NRXN3: variants seen among roughly 807,000 people sequenced by gnomAD.
NRXN3 encodes neurexin III.
Under a neutral mutation model 137.6 loss-of-function variants are expected in NRXN3, and 32 were observed. The observed-to-expected ratio is 0.23, with a 90% CI of 0.18 to 0.31. NRXN3 has a LOEUF of 0.31. Among genes scored for constraint, NRXN3 ranks in the 10% least tolerant of loss-of-function variants. The pLI, the probability that NRXN3 is intolerant of heterozygous loss-of-function variation, is 1.00. For missense variants in NRXN3, 1,574 were observed against 2,062.5 expected (o/e 0.76, Z 4.59); for synonymous variants, 798 against 784.5 (o/e 1.02, Z -0.29).
At chr14:79,066,247 T>C (rs1352956192) in intron 15 of NRXN3, among the ~76,000 whole-genome samples, 1 of 152,204 alleles carries the variant, frequency 6.6e-6, no homozygotes, top group Admixed American at 6.5e-5. Context: ...AATTAGGGAA[T>C]CCTTTCCCCA....
chr14:78,584,238 T>C (rs1477131098), intron 4 of NRXN3, among the ~76,000 whole-genome samples: 5 of 152,174 alleles, frequency 3.3e-5, no homozygotes, highest in East Asian at 3.9e-4. Flanking sequence ...ATTGTTGAGA[T>C]TGAACAAGCA....
intron 10 of NRXN3, among the ~76,000 whole-genome samples, chr14:78,912,627 G>A (rs1392563560): frequency 6.6e-6 from 1 of 152,062 alleles, no homozygotes; most frequent in Non-Finnish European, 1.5e-5. Flanking sequence ...TGTTCAAAAG[G>A]TTAGATAGAA....
chr14:78,971,543 A>C (rs2153013314), intron 14 of NRXN3, among the ~76,000 whole-genome samples: 1 of 152,312 alleles, frequency 6.6e-6, no homozygotes, highest in Non-Finnish European at 1.5e-5. Flanking sequence ...CCTAGGTAGT[A>C]AATGTGTTAC....
chr14:79,090,604 T>A (rs2048975927), intron 15 of NRXN3, among the ~76,000 whole-genome samples: 1 of 152,108 alleles, frequency 6.6e-6, no homozygotes, highest in African/African-American at 2.4e-5. Flanking sequence ...TCACCATGGC[T>A]TCATATCTGG....
At chr14:79,368,455 T>G (rs2093977886) in intron 15 of NRXN3, among the ~76,000 whole-genome samples, 1 of 152,220 alleles carries the variant, frequency 6.6e-6, no homozygotes, top group Admixed American at 6.5e-5. Context: ...AAACTTGTCT[T>G]CCTAATTTTT....
chr14:79,398,769 G>A (rs2095100341), intron 15 of NRXN3, among the ~76,000 whole-genome samples: 1 of 152,058 alleles, frequency 6.6e-6, no homozygotes, highest in African/African-American at 2.4e-5. Flanking sequence ...CAGCACTTTG[G>A]AAGGCCAAGT....
chr14:79,808,166 G>A (rs753306176), intron 20 of NRXN3, among the ~76,000 whole-genome samples: 1 of 150,992 alleles, frequency 6.6e-6, no homozygotes, highest in African/African-American at 2.4e-5. Flanking sequence ...GAACCCGGGA[G>A]GCAGAGGTTG....
rs538965152 is a variant in NRXN3, at chr14:78,333,512, CATAG to C, written c.757+35659_757+35662del. ...TCACAATAAATACACTAGCTAGATA[CATAG>C]ATAGATGCTGGTAGGTGATATGTGC... On this transcript the variant is annotated intron_variant, in intron 4 of 20. Transcript: ENST00000335750. Among the ~76,000 whole-genome samples, 581 of 152,128 alleles carry C rather than the reference CATAG, an allele frequency of 3.8e-3. 3 individuals carry two copies. Among genetic ancestry groups the C allele is most frequent in the African/African-American group, 0.013 (557 of 41,482 alleles).
chr14:79,126,459 A>T (rs1421004243), intron 15 of NRXN3, among the ~76,000 whole-genome samples: 2 of 151,950 alleles, frequency 1.3e-5, no homozygotes, highest in Non-Finnish European at 2.9e-5. Flanking sequence ...TTTACTGAGA[A>T]TGATGATTTC....
At chr14:78,752,582 G>C (rs1408173541) in intron 8 of NRXN3, among the ~76,000 whole-genome samples, 3 of 152,138 alleles carry the variant, frequency 2.0e-5, no homozygotes, top group African/African-American at 7.2e-5. Flanking sequence ...GGCTCTATGG[G>C]GATTCTTAAA....
At chr14:79,629,106 G>A (rs898247841) in intron 16 of NRXN3, among the ~76,000 whole-genome samples, 1 of 152,160 alleles carries the variant, frequency 6.6e-6, no homozygotes, top group Admixed American at 6.5e-5. Flanking sequence ...TAAAGGTGAT[G>A]ATTAATTAGT....
chr14:78,579,690 C>T (rs991057392), intron 4 of NRXN3, among the ~76,000 whole-genome samples: 9 of 152,162 alleles, frequency 5.9e-5, no homozygotes, highest in Non-Finnish European at 1.3e-4. Flanking sequence ...GCTCCATTAT[C>T]TCAACTGGCT....
chr14:79,019,179 G>A (rs894756221), intron 15 of NRXN3, among the ~76,000 whole-genome samples: 3 of 152,164 alleles, frequency 2.0e-5, no homozygotes, highest in Admixed American at 6.6e-5. Context: ...TTGATCTTGA[G>A]TTTCCTCGTG....
intron 16 of NRXN3, among the ~76,000 whole-genome samples, chr14:79,548,820 CAAAG>C (rs1277695425): frequency 8.6e-5 from 13 of 150,980 alleles, no homozygotes; most frequent in African/African-American, 3.2e-4. Flanking sequence ...AGCAAAGAAA[CAAAG>C]AGATGTCTAC....
chr14:78,318,709 T>A (rs1463172634), intron 4 of NRXN3, among the ~76,000 whole-genome samples: 1 of 152,178 alleles, frequency 6.6e-6, no homozygotes, highest in Non-Finnish European at 1.5e-5. Context: ...GCCGTCAGTA[T>A]AACAAGGGGC....
chr14:78,498,287 T>C (rs2153767771), intron 4 of NRXN3, among the ~76,000 whole-genome samples: 1 of 152,258 alleles, frequency 6.6e-6, no homozygotes, highest in South Asian at 2.1e-4. Context: ...AGGGAGATGA[T>C]CCTCCGGCTG....
chr14:79,415,716 C>T (rs960490464), intron 15 of NRXN3, among the ~76,000 whole-genome samples: 1 of 152,124 alleles, frequency 6.6e-6, no homozygotes, highest in Non-Finnish European at 1.5e-5. Flanking sequence ...GTAACAATCG[C>T]CATGTTTAAG....
intron 8 of NRXN3, among the ~76,000 whole-genome samples, chr14:78,794,200 T>C (rs1256337932): frequency 6.6e-6 from 1 of 151,824 alleles, no homozygotes; most frequent in Non-Finnish European, 1.5e-5. Context: ...CTGACCAACA[T>C]GGGAAACCCC....
At chr14:78,488,709 G>A (rs554471857) in intron 4 of NRXN3, among the ~76,000 whole-genome samples, 79 of 150,540 alleles carry the variant, frequency 5.2e-4, no homozygotes, top group African/African-American at 1.8e-3. Flanking sequence ...AAGAAAGAGG[G>A]AGATGGAGAA....
Sources: gnomAD v4.1 joint callset for allele counts (sites outside exome capture counted in the v4.1 genomes callset) on GRCh38, gnomAD v4.1.1 for gene constraint, MANE v1.5 for transcripts, NCBI Gene and HGNC (gene_info 2026-07-23, HGNC 2026-07-21) for gene names.